The following MYH3 variants were observed in gnomAD, a reference collection of about 807,000 sequenced individuals.
The protein encoded by MYH3 is myosin-3.
In MYH3, 130 loss-of-function variants were observed where a neutral mutation model predicts 238.0. The observed-to-expected ratio is 0.55, with a 90% CI of 0.47 to 0.63. The LOEUF (loss-of-function observed/expected upper bound fraction) is 0.63. Ranked by LOEUF, MYH3 falls within the 30% of genes least tolerant of loss-of-function variation. MYH3 has a pLI of 0.00. For missense variants in MYH3, 1,853 were observed against 2,374.9 expected, an observed-to-expected ratio of 0.78 and a Z score of 4.57; for synonymous variants, 880 against 924.1, an observed-to-expected ratio of 0.95 and a Z score of 0.86.
upstream of MYH3, among the ~76,000 whole-genome samples, chr17:10,660,447 G>A (rs571053871): frequency 1.9e-4 from 29 of 152,000 alleles, no homozygotes; most frequent in African/African-American, 6.0e-4. Flanking sequence ...AGGCCGAGGC[G>A]GGCGGATCAT....
At position 10,654,845 on chromosome 17, in the gene MYH3, G is replaced by A; in HGVS notation, c.204+16C>T. 1 of 1,613,142 alleles carries A rather than the reference G, an allele frequency of 6.2e-7. No individual in the cohort carries two copies. The highest frequency in any genetic ancestry group is 1.1e-5 in the South Asian group (1 of 91,052). ...AGGTGGAGGGCCAGCAGCCTGTGGA[G>A]GGTACAGAGCCTTACCCTGTTGTCC... On this transcript the variant is annotated intron_variant, in intron 3 of 40. Transcript: ENST00000583535. The surrounding 1 kb of genome is among the most constrained non-coding windows in gnomAD (Gnocchi z 4.5).
chr17:10,633,496 A>G, intron 33 of MYH3, 95 bp downstream of exon 33: 2 of 1,556,498 alleles, frequency 1.3e-6, no homozygotes, highest in East Asian at 2.2e-5. Flanking sequence ...GATTTGACAA[A>G]GGCAAAAATG....
At position 10,636,846 on chromosome 17, in the gene MYH3, G is replaced by A. The variant is rs1035141233; in HGVS notation, c.3856+963C>T. On this transcript the variant is annotated intron_variant, in intron 28 of 40. Coordinates refer to ENST00000583535, the MANE Select transcript of MYH3 (RefSeq NM_002470.4). ...AGAGAATCGCTTGAACCCGGGAGGC[G>A]GAGTTTGCAGTGAGCCGAGATCACA... Among the ~76,000 whole-genome samples, 9 of 149,652 alleles carry A rather than the reference G, an allele frequency of 6.0e-5. No individual in the cohort carries two copies. The East Asian group carries it at 6.1e-4, about 10-fold the overall frequency.
chr17:10,628,707 A>T, intron 40 of MYH3, 28 bp from the exon 41 acceptor site: 1 of 1,614,094 alleles, frequency 6.2e-7, no homozygotes, highest in Non-Finnish European at 8.5e-7. Context: ...ACCTGGAGTC[A>T]AGTCGGGTGG....
chr17:10,637,654 T>C (rs1175745856), intron 28 of MYH3, among the ~76,000 whole-genome samples, 155 bp downstream of exon 28: 1 of 152,240 alleles, frequency 6.6e-6, no homozygotes. Flanking sequence ...CTATTTCAAA[T>C]GGCTCTTTCT....
chr17:10,663,796 C>T, the MYH3 span, among the ~76,000 whole-genome samples: 1 of 152,272 alleles, frequency 6.6e-6, no homozygotes, highest in African/African-American at 2.4e-5. Flanking sequence ...GATGCGGTGG[C>T]TCACACCTGT....
upstream of MYH3, among the ~76,000 whole-genome samples, chr17:10,661,228 C>G (rs2074478205): frequency 6.8e-6 from 1 of 147,792 alleles, no homozygotes; most frequent in Admixed American, 6.8e-5. Context: ...CTACCTGCCT[C>G]AGCCTCCCAA....
At chr17:10,673,112 T>A in the MYH3 span, 1 of 151,964 alleles carries the variant, frequency 6.6e-6, no homozygotes, top group African/African-American at 2.4e-5. Context: ...CAAGCGATTC[T>A]CCTGCCTCAG....
Position 10,644,566 on chromosome 17 carries a change from C to T in MYH3, c.1260+18G>A, listed in dbSNP as rs771181525. On this transcript the variant is annotated intron_variant, in intron 13 of 40. Transcript: ENST00000583535. ...GCCAGCAGGGTCCTGCACCCTTTCC[C>T]GGCCTTGAAGCTGTTACCTGATCCA... 18 of 1,613,170 alleles carry T rather than the reference C, an allele frequency of 1.1e-5. No individual in the cohort carries two copies. Among genetic ancestry groups the T allele is most frequent in the Middle Eastern group, 3.3e-4 (2 of 6,062 alleles).
the MYH3 span, among the ~76,000 whole-genome samples, chr17:10,663,396 G>C: frequency 6.6e-6 from 1 of 152,140 alleles, no homozygotes; most frequent in Non-Finnish European, 1.5e-5. Flanking sequence ...GGGAATGCTA[G>C]GGCACTCTGT....
intron 8 of MYH3, among the ~76,000 whole-genome samples, chr17:10,647,778 C>G (rs1460915060): frequency 1.3e-5 from 2 of 152,102 alleles, no homozygotes; most frequent in African/African-American, 4.8e-5. Flanking sequence ...CTCTTGACCT[C>G]GTGATCCGCC....
At chr17:10,634,738 T>G in intron 31 of MYH3, 102 bp downstream of exon 31, 8 of 1,428,462 alleles carry the variant, frequency 5.6e-6, no homozygotes, top group Non-Finnish European at 7.9e-6. Flanking sequence ...GCCACACTGC[T>G]GGTGAGGGCA....
the MYH3 span, among the ~76,000 whole-genome samples, chr17:10,666,419 A>AAAAAAAAAAACCTT: frequency 7.3e-6 from 1 of 136,708 alleles, no homozygotes; most frequent in African/African-American, 2.7e-5. Flanking sequence ...GTCTCTACAA[A>AAAAAAAAAAACCTT]AAAAAACCAG....
chr17:10,630,553 T>C, intron 36 of MYH3, 95 bp from the exon 37 acceptor site: 1 of 1,577,776 alleles, frequency 6.3e-7, no homozygotes, highest in Non-Finnish European at 8.7e-7. Flanking sequence ...GAGACCATGC[T>C]AAAGAAAAAG....
upstream of MYH3, among the ~76,000 whole-genome samples, chr17:10,660,012 C>T (rs910595249): frequency 5.3e-5 from 8 of 152,166 alleles, no homozygotes; most frequent in African/African-American, 1.2e-4. Context: ...AGCAGCAGGT[C>T]GGAGCAGGAG....
At chr17:10,633,936 A>C in intron 32 of MYH3, 81 bp downstream of exon 32, 2 of 1,564,928 alleles carry the variant, frequency 1.3e-6, no homozygotes, top group Non-Finnish European at 8.7e-7. Flanking sequence ...AAACTGAGTG[A>C]TGAAGCCACA....
chr17:10,658,189 A>G (rs1555528364), upstream of MYH3, among the ~76,000 whole-genome samples: 1 of 152,204 alleles, frequency 6.6e-6, no homozygotes, highest in Non-Finnish European at 1.5e-5. Context: ...CTAAATCAGG[A>G]GTGGAAAAAT....
chr17:10,660,398 G>A (rs530970296), upstream of MYH3, among the ~76,000 whole-genome samples: 32 of 152,294 alleles, frequency 2.1e-4, 1 homozygote, highest in South Asian at 2.7e-3. Flanking sequence ...GTTTCTGGCC[G>A]GGCGCGGTGG....
chr17:10,643,113 C>T (rs901558057), intron 14 of MYH3, 117 bp from the exon 15 acceptor site: 6 of 1,558,696 alleles, frequency 3.8e-6, no homozygotes, highest in Non-Finnish European at 5.2e-6. Context: ...CTTTCAAATA[C>T]AATCACAATC....
Sources: gnomAD v4.1 joint callset for allele counts (sites outside exome capture counted in the v4.1 genomes callset) on GRCh38, gnomAD v4.1.1 for gene constraint, Gnocchi (gnomAD v3.1) non-coding constraint, MANE v1.5 for transcripts, NCBI Gene and HGNC (gene_info 2026-07-23, HGNC 2026-07-21) for gene names.